Variants in HCK observed in about 807,000 individuals in gnomAD.
HCK encodes the protein tyrosine-protein kinase HCK.
Under a neutral mutation model 70.4 loss-of-function variants are expected in HCK, and 40 were observed. That is an observed-to-expected ratio of 0.57 (90% CI 0.44 to 0.74). The LOEUF (loss-of-function observed/expected upper bound fraction) is 0.74. Ranked by LOEUF, HCK falls within the 30% of genes least tolerant of loss-of-function variation. The probability of loss-of-function intolerance (pLI) is 0.00; values close to 1 mark genes in which losing one functional copy is unlikely to be tolerated. For missense variants in HCK, 568 were observed against 697.2 expected (o/e 0.81, Z 2.09); for synonymous variants, 245 against 263.2 (o/e 0.93, Z 0.67).
intron 1 of HCK, among the ~76,000 whole-genome samples, chr20:32,066,026 G>A (rs2045451328): frequency 6.6e-6 from 1 of 152,152 alleles, no homozygotes; most frequent in African/African-American, 2.4e-5. Context: ...CCCCTGTGAG[G>A]TTGAGGCTGC....
chr20:32,100,728 C>T (rs1178710310), intron 12 of HCK, among the ~76,000 whole-genome samples: 2 of 152,146 alleles, frequency 1.3e-5, no homozygotes, highest in Non-Finnish European at 2.9e-5. Flanking sequence ...AAAATGGTCC[C>T]ACCCATAGGT....
At chr20:32,067,312 C>T (rs2045472533) in intron 1 of HCK, among the ~76,000 whole-genome samples, 1 of 152,106 alleles carries the variant, frequency 6.6e-6, no homozygotes, top group African/African-American at 2.4e-5. Context: ...TGTTGTGCAA[C>T]CCTCACCACC....
At chr20:32,094,167 G>A in intron 11 of HCK, 151 bp downstream of exon 11, 1 of 695,952 alleles carries the variant, frequency 1.4e-6, no homozygotes, top group Non-Finnish European at 2.4e-6. Context: ...TCTGGATAAT[G>A]TCCTGAACTT....
intron 1 of HCK, among the ~76,000 whole-genome samples, chr20:32,068,335 T>A (rs28712323): frequency 7.5e-5 from 11 of 147,594 alleles, no homozygotes; most frequent in African/African-American, 2.5e-4. Context: ...TAAAAAAAAA[T>A]AAAAACTAAA....
chr20:32,055,466 A>G (rs150017973), intron 1 of HCK, among the ~76,000 whole-genome samples: 39 of 152,342 alleles, frequency 2.6e-4, no homozygotes, highest in African/African-American at 8.4e-4. Flanking sequence ...CATAATTAGT[A>G]TAATGCTACA....
chr20:32,078,909 T>C (rs1600726248), intron 5 of HCK, among the ~76,000 whole-genome samples: 2 of 135,500 alleles, frequency 1.5e-5, no homozygotes, highest in African/African-American at 2.8e-5. Context: ...GACAACTCCA[T>C]AGAGCTGTTG....
chr20:32,084,136 C>A, intron 7 of HCK, 93 bp downstream of exon 7: 1 of 1,367,098 alleles, frequency 7.3e-7, no homozygotes, highest in Non-Finnish European at 1.0e-6. Context: ...CTGCTGTGTC[C>A]TTCTTGGCCA....
At chr20:32,079,009 C>T (rs906766737) in intron 5 of HCK, among the ~76,000 whole-genome samples, 10 of 152,124 alleles carry the variant, frequency 6.6e-5, no homozygotes, top group African/African-American at 2.4e-4. Context: ...CTCAAAGTCA[C>T]ACTGCAGGTT....
intron 1 of HCK, among the ~76,000 whole-genome samples, chr20:32,071,009 T>G (rs1167214474): frequency 6.6e-6 from 1 of 150,704 alleles, no homozygotes; most frequent in Admixed American, 6.6e-5. Flanking sequence ...GAAGGAGTTA[T>G]AAGCAATTTA....
chr20:32,089,255 G>A (rs57144947), intron 10 of HCK, among the ~76,000 whole-genome samples: 45,153 of 152,206 alleles, frequency 0.3, 7,003 homozygotes, highest in Middle Eastern at 0.34. Context: ...ACTGACCAAG[G>A]ACACAAATCC....
intron 1 of HCK, among the ~76,000 whole-genome samples, chr20:32,057,333 G>A (rs538418559): frequency 5.3e-5 from 8 of 152,264 alleles, no homozygotes; most frequent in African/African-American, 1.9e-4. Flanking sequence ...GGGTGCGGTG[G>A]CTCACCCTGT....
chr20:32,091,980 A>T (rs2045869742), intron 10 of HCK, among the ~76,000 whole-genome samples: 1 of 151,762 alleles, frequency 6.6e-6, no homozygotes, highest in Admixed American at 6.6e-5. Context: ...CCTGTCTCAA[A>T]AGAAAAAAAA....
intron 8 of HCK, 57 bp from the exon 9 acceptor site, chr20:32,086,571 G>A: frequency 2.1e-6 from 3 of 1,457,394 alleles, no homozygotes; most frequent in Non-Finnish European, 9.3e-7. Flanking sequence ...GCCTTCTAGG[G>A]TGGTACGGGA....
At chr20:32,059,220 T>C (rs570773644) in intron 1 of HCK, among the ~76,000 whole-genome samples, 1 of 152,274 alleles carries the variant, frequency 6.6e-6, no homozygotes, top group Admixed American at 6.5e-5. Context: ...GAGGTGGCCA[T>C]GGAGGGCTTA....
chr20:32,052,351 G>A lies in HCK; in HGVS notation c.-74G>A. 1 of 1,101,964 alleles carries A rather than the reference G, an allele frequency of 9.1e-7. No homozygotes were observed. Among genetic ancestry groups the A allele is most frequent in the Non-Finnish European group, 1.2e-6 (1 of 844,982 alleles). The allele number at this position is 1,101,964 out of a possible 1,614,324, so 68.3% of individuals were successfully genotyped here. A position where few individuals can be genotyped will look rare whatever the true frequency, so the allele number is the denominator to read the frequency against. On this transcript the variant is annotated 5_prime_UTR_variant, in exon 1 of 13. Transcript: ENST00000375852. ...GCCCGCGGCACCAAAGCCCCTCAGA[G>A]CGTCGCCCCCGCCTCTAGTTCTAGA...
chr20:32,096,125 A>T (rs1439392180), intron 11 of HCK, among the ~76,000 whole-genome samples: 2 of 151,846 alleles, frequency 1.3e-5, no homozygotes, highest in Non-Finnish European at 2.9e-5. Flanking sequence ...GATGACCTCA[A>T]GTGATTCACC....
chr20:32,066,015 T>C (rs2045451095), intron 1 of HCK, among the ~76,000 whole-genome samples: 1 of 152,120 alleles, frequency 6.6e-6, no homozygotes, highest in South Asian at 2.1e-4. Flanking sequence ...TTCTTACAGC[T>C]CCCCTGTGAG....
chr20:32,068,724 G>A (rs1269306122), intron 1 of HCK, among the ~76,000 whole-genome samples: 1 of 152,134 alleles, frequency 6.6e-6, no homozygotes, highest in African/African-American at 2.4e-5. Flanking sequence ...TTCAAGACCA[G>A]CCTGAGCAAC....
intron 11 of HCK, among the ~76,000 whole-genome samples, chr20:32,095,610 G>A (rs2045943965): frequency 6.6e-6 from 1 of 152,130 alleles, no homozygotes; most frequent in African/African-American, 2.4e-5. Flanking sequence ...CCTACAGCTG[G>A]TGGTGGGGAG....
Sources: gnomAD v4.1 joint callset for allele counts (sites outside exome capture counted in the v4.1 genomes callset) on GRCh38, gnomAD v4.1.1 for gene constraint, MANE v1.5 for transcripts, NCBI Gene and HGNC (gene_info 2026-07-23, HGNC 2026-07-21) for gene names.